NEK10: variants seen among roughly 807,000 people sequenced by gnomAD.
NEK10 encodes serine/threonine-protein kinase Nek10.
A neutral mutation model predicts 159.8 loss-of-function variants in NEK10; 122 were observed. The observed-to-expected ratio is 0.76, with a 90% confidence interval of 0.66 to 0.89. NEK10 has a LOEUF of 0.89. NEK10 is among the 40% of genes least tolerant of loss of function. The pLI, the probability that NEK10 is intolerant of heterozygous loss-of-function variation, is 0.00. For synonymous variants in NEK10, 466 were observed against 457.1 expected (o/e 1.02, Z -0.25); for missense variants, 1,342 against 1,323.1 (o/e 1.01, Z -0.22).
chr3:27,155,529 A>AAATAC (rs1050484427), intron 30 of NEK10, among the ~76,000 whole-genome samples: 9 of 148,510 alleles, frequency 6.1e-5, no homozygotes, highest in Admixed American at 2.7e-4. Context: ...AAATAAAATA[A>AAATAC]AATAAAATAA....
intron 23 of NEK10, among the ~76,000 whole-genome samples, chr3:27,237,541 C>A (rs952080176): frequency 2.0e-5 from 3 of 152,106 alleles, no homozygotes; most frequent in Admixed American, 2.0e-4. Flanking sequence ...TCCCTCCGTT[C>A]GGGGTCCCTG....
intron 23 of NEK10, among the ~76,000 whole-genome samples, chr3:27,205,352 A>T (rs1388856011): frequency 7.3e-6 from 1 of 136,518 alleles, no homozygotes; most frequent in African/African-American, 2.8e-5. Context: ...AATTGGAAAA[A>T]ACTACTTTAA....
chr3:27,116,022 T>C (rs768131184), intron 34 of NEK10, 27 bp from the exon 35 acceptor site: 5 of 1,612,708 alleles, frequency 3.1e-6, no homozygotes, highest in Non-Finnish European at 4.2e-6. Flanking sequence ...CAGGTTAGTA[T>C]TGAATTAGAA....
chr3:27,307,748 A>G lies in NEK10; in HGVS notation c.803+111T>C, dbSNP rs923685626. On this transcript the variant is annotated intron_variant, in intron 11 of 35. Coordinates refer to ENST00000691995, the MANE Select transcript of NEK10 (RefSeq NM_001394966.1). ...TAAACAGAAAATAAATGCCAAGCTG[A>G]CTCATCATATTCAGTTACAATGTAA... 13 of 667,346 alleles carry G rather than the reference A, an allele frequency of 1.9e-5. No homozygotes were observed. In the African/African-American group the frequency reaches 2.2e-4, roughly 11 times the overall value. 41.3% of individuals were successfully genotyped at this position (667,346 alleles called of 1,614,324 possible). A position where few individuals can be genotyped will look rare whatever the true frequency, so the allele number is the denominator to read the frequency against.
At chr3:27,345,373 GA>G in intron 4 of NEK10, among the ~76,000 whole-genome samples, 1 of 152,314 alleles carries the variant, frequency 6.6e-6, no homozygotes, top group Non-Finnish European at 1.5e-5. Flanking sequence ...ATGAACACAT[GA>G]AATGTCATGT....
At chr3:27,143,362 G>A in intron 30 of NEK10, 1 of 613,854 alleles carries the variant, frequency 1.6e-6, no homozygotes, top group Non-Finnish European at 2.9e-6. Flanking sequence ...AGATTTTAAT[G>A]AGTTAAAATC....
At chr3:27,124,680 C>A (rs576504113) in intron 32 of NEK10, among the ~76,000 whole-genome samples, 1 of 152,070 alleles carries the variant, frequency 6.6e-6, no homozygotes, top group South Asian at 2.1e-4. Flanking sequence ...GGTGAAAAAG[C>A]GTGAGGTTTA....
intron 32 of NEK10, among the ~76,000 whole-genome samples, chr3:27,126,891 G>A (rs1942024895): frequency 1.3e-5 from 2 of 152,028 alleles, no homozygotes; most frequent in Admixed American, 1.3e-4. Flanking sequence ...TCTTCATCCA[G>A]GTGCTCTTGA....
At chr3:27,226,707 A>G (rs1012623486) in intron 23 of NEK10, among the ~76,000 whole-genome samples, 9 of 152,218 alleles carry the variant, frequency 5.9e-5, no homozygotes, top group African/African-American at 1.9e-4. Context: ...GCCAATGCAC[A>G]TATCTAATAT....
intron 26 of NEK10, among the ~76,000 whole-genome samples, chr3:27,177,051 G>A (rs1213655484): frequency 6.6e-6 from 1 of 152,156 alleles, no homozygotes; most frequent in Non-Finnish European, 1.5e-5. Flanking sequence ...ACTTAAGGAC[G>A]CTGGACTTGC....
At chr3:27,172,216 T>C (rs1305947523) in intron 28 of NEK10, among the ~76,000 whole-genome samples, 2 of 150,882 alleles carry the variant, frequency 1.3e-5, no homozygotes, top group African/African-American at 4.9e-5. Context: ...ATGCCTGTAG[T>C]CCCAGCTACT....
At chr3:27,357,945 A>G (rs1196813127) in intron 1 of NEK10, among the ~76,000 whole-genome samples, 2 of 152,188 alleles carry the variant, frequency 1.3e-5, no homozygotes, top group African/African-American at 2.4e-5. Flanking sequence ...AACCAAAGCA[A>G]TCTTACTTCT....
chr3:27,335,695 T>A (rs1022577622), intron 5 of NEK10, among the ~76,000 whole-genome samples: 5 of 152,016 alleles, frequency 3.3e-5, no homozygotes, highest in Non-Finnish European at 1.5e-5. Context: ...AAACTAAAAA[T>A]CAATAACAAG....
chr3:27,296,607 A>G (rs535218035), intron 14 of NEK10, among the ~76,000 whole-genome samples: 63 of 152,352 alleles, frequency 4.1e-4, no homozygotes, highest in African/African-American at 1.4e-3. Flanking sequence ...CTTTTGTGAT[A>G]GAAACCCATA....
intron 8 of NEK10, chr3:27,311,868 T>C: frequency 2.2e-6 from 1 of 452,324 alleles, no homozygotes; most frequent in South Asian, 4.1e-5. Flanking sequence ...TATGGAAGCC[T>C]CTCTTGCATT....
intron 23 of NEK10, among the ~76,000 whole-genome samples, chr3:27,243,035 A>C (rs1954719563): frequency 6.6e-6 from 1 of 152,178 alleles, no homozygotes; most frequent in African/African-American, 2.4e-5. Context: ...TCTTGTTTTA[A>C]AATGTTTTAA....
intron 23 of NEK10, chr3:27,255,316 A>G: frequency 2.3e-6 from 1 of 429,322 alleles, no homozygotes. Flanking sequence ...TTTCAAGAAT[A>G]AAGATGTAAA....
chr3:27,241,306 A>G (rs1439845686), intron 23 of NEK10, among the ~76,000 whole-genome samples: 1 of 152,180 alleles, frequency 6.6e-6, no homozygotes, highest in Non-Finnish European at 1.5e-5. Flanking sequence ...AACTTGAAGC[A>G]GATGTTGTAG....
intron 23 of NEK10, chr3:27,215,806 G>A (rs1424167254): frequency 1.4e-6 from 1 of 717,410 alleles, no homozygotes; most frequent in Middle Eastern, 2.5e-4. Context: ...AATGATAGCA[G>A]AAGGCAAAGG....
Sources: allele counts gnomAD v4.1 joint callset (sites outside exome capture counted in the v4.1 genomes callset), GRCh38; gene constraint gnomAD v4.1.1; transcripts MANE v1.5; gene names NCBI Gene and HGNC (gene_info 2026-07-23, HGNC 2026-07-21).